ITIH5: variants seen among roughly 807,000 people sequenced by gnomAD.
The protein encoded by ITIH5 is inter-alpha-trypsin inhibitor heavy chain H5.
ITIH5 carries 65 observed loss-of-function variants against 77.5 expected under a neutral mutation model. The observed-to-expected ratio is 0.84, with a 90% CI of 0.69 to 1.03. The LOEUF is 1.03. Ranked by LOEUF, ITIH5 falls within the 50% of genes least tolerant of loss-of-function variation. The probability of loss-of-function intolerance (pLI) is 0.00; values close to 1 mark genes in which losing one functional copy is unlikely to be tolerated. For synonymous variants in ITIH5, 525 were observed against 494.3 expected, an observed-to-expected ratio of 1.06 and a Z score of -0.82; for missense variants, 1,208 against 1,213.1, an observed-to-expected ratio of 1.00 and a Z score of 0.06.
chr10:7,615,515 C>A (rs2131033692), intron 7 of ITIH5, among the ~76,000 whole-genome samples: 1 of 152,264 alleles, frequency 6.6e-6, no homozygotes, highest in Non-Finnish European at 1.5e-5. Context: ...AACTACGTGA[C>A]CCCTGAATGT....
At chr10:7,570,967 A>G (rs968802327) in intron 11 of ITIH5, among the ~76,000 whole-genome samples, 3 of 152,150 alleles carry the variant, frequency 2.0e-5, no homozygotes, top group Non-Finnish European at 4.4e-5. Context: ...GCACATGGAC[A>G]TGTCTGCATG....
At chr10:7,629,501 C>G (rs1833676536) in intron 5 of ITIH5, among the ~76,000 whole-genome samples, 1 of 131,564 alleles carries the variant, frequency 7.6e-6, no homozygotes, top group South Asian at 2.5e-4. Context: ...TAGCGTGTGT[C>G]CATGTTGCAG....
chr10:7,586,162 T>C, intron 7 of ITIH5, 93 bp from the exon 8 acceptor site: 1 of 1,173,398 alleles, frequency 8.5e-7, no homozygotes, highest in Non-Finnish European at 1.2e-6. Flanking sequence ...CCAGGAAAAA[T>C]GTCAGGGTTC....
rs994613437 is a variant in ITIH5, at chr10:7,640,171, A to C, written c.401+583T>G. Among the ~76,000 whole-genome samples the C allele has an allele frequency of 1.8e-4, 26 of 141,476 alleles. No homozygotes were observed. In the East Asian group the frequency reaches 4.7e-3, roughly 26 times the overall value. 92.8% of individuals were successfully genotyped at this position (141,476 alleles called of 152,430 possible). Reference sequence around the variant, plus strand: ...TACAAAAAAAAAAAAAAAAAAAAAAACTACGTACAGGCCAGGCATAGTGGC... The same window carrying C: ...TACAAAAAAAAAAAAAAAAAAAAAACCTACGTACAGGCCAGGCATAGTGGC... On this transcript the variant is annotated intron_variant, in intron 4 of 13. Transcript: ENST00000397146.
In ITIH5 at chr10:7,588,308, G is replaced by A. The variant is rs11812192; in HGVS notation, c.940-2239C>T. ...CCGAGGTGGGTAGATCACTTGAGGTGAGGAGTTTGAAACCAGCCTGGCCAA... is the reference window on the plus strand; with the variant it reads ...CCGAGGTGGGTAGATCACTTGAGGTAAGGAGTTTGAAACCAGCCTGGCCAA... On this transcript the variant is annotated intron_variant, in intron 7 of 13. Transcript: ENST00000397146. Among the ~76,000 whole-genome samples the A allele has an allele frequency of 3.8e-3, 583 of 152,096 alleles. 5 individuals carry two copies. Among genetic ancestry groups the A allele is most frequent in the African/African-American group, 0.014 (568 of 41,484 alleles).
chr10:7,656,595 A>G (rs544834124), intron 1 of ITIH5, among the ~76,000 whole-genome samples: 2 of 152,320 alleles, frequency 1.3e-5, no homozygotes, highest in South Asian at 4.1e-4. Context: ...TTAGCTGATT[A>G]TATGGATGTT....
chr10:7,591,053 C>G (rs756372731), intron 7 of ITIH5, among the ~76,000 whole-genome samples: 1 of 152,168 alleles, frequency 6.6e-6, no homozygotes. Flanking sequence ...CACGCCATCA[C>G]GCTCAGCTAA....
At chr10:7,625,333 GGTT>G (rs2131051295) in intron 5 of ITIH5, among the ~76,000 whole-genome samples, 1 of 152,266 alleles carries the variant, frequency 6.6e-6, no homozygotes, top group South Asian at 2.1e-4. Flanking sequence ...GGAGAACAGT[GGTT>G]ATCTGGGACC....
intron 7 of ITIH5, among the ~76,000 whole-genome samples, chr10:7,593,396 C>T (rs1366816606): frequency 2.3e-5 from 3 of 130,504 alleles, no homozygotes; most frequent in African/African-American, 8.6e-5. Context: ...CCCAGCCCCA[C>T]TCACCCCTGC....
chr10:7,641,916 G>A lies in ITIH5; in HGVS notation c.299+11C>T, dbSNP rs1482940579. 6.8e-6 allele frequency: 11 copies of A among 1,613,036 alleles called. No individual in the cohort carries two copies. Among genetic ancestry groups the A allele is most frequent in the South Asian group, 1.1e-5 (1 of 91,000 alleles). On this transcript the variant is annotated intron_variant, in intron 3 of 13. Coordinates refer to ENST00000397146, the MANE Select transcript of ITIH5 (RefSeq NM_030569.7). ...GCAGAAATCTTCATCCCTGACCAGCGTGTCACCTACATAGTGAAGTTGGTG... is the reference window on the plus strand; with the variant it reads ...GCAGAAATCTTCATCCCTGACCAGCATGTCACCTACATAGTGAAGTTGGTG...
Position 7,563,393 on chromosome 10 carries a change from A to T in ITIH5, c.2528-9T>A. 6.2e-7 allele frequency: 1 copy of T among 1,606,934 alleles called. No homozygotes were observed. The highest frequency in any genetic ancestry group is 8.5e-7 in the Non-Finnish European group (1 of 1,174,632). On this transcript the variant is annotated splice_polypyrimidine_tract_variant and intron_variant, in intron 13 of 13. Transcript: ENST00000397146. ...CTGATTCAGGAACTGACCTGGGAGG[A>T]CAAGGAAAAGCATCGGGTCTCAGTC...
chr10:7,581,721 C>CTTTTTTTTT (rs142992412), intron 8 of ITIH5, among the ~76,000 whole-genome samples: 19 of 101,722 alleles, frequency 1.9e-4, no homozygotes, highest in African/African-American at 6.5e-4. Flanking sequence ...TCTTTTCCTT[C>CTTTTTTTTT]TTTTTTTTTT....
At chr10:7,640,448 G>C (rs1042719270) in intron 4 of ITIH5, among the ~76,000 whole-genome samples, 1 of 148,172 alleles carries the variant, frequency 6.7e-6, no homozygotes, top group African/African-American at 2.5e-5. Flanking sequence ...CTGCACTCCA[G>C]CCTGGGCAAA....
At chr10:7,641,764 A>G (rs1344261318) in intron 3 of ITIH5, among the ~76,000 whole-genome samples, 163 bp downstream of exon 3, 1 of 152,080 alleles carries the variant, frequency 6.6e-6, no homozygotes, top group African/African-American at 2.4e-5. Context: ...GAATGAATGA[A>G]TGAACCAACC....
intron 5 of ITIH5, among the ~76,000 whole-genome samples, chr10:7,630,515 T>C (rs1833694678): frequency 1.3e-5 from 2 of 152,238 alleles, no homozygotes; most frequent in Admixed American, 6.5e-5. Flanking sequence ...TGTTCCATTA[T>C]AGCCATCCTA....
At chr10:7,662,927 C>A (rs1588435497) in intron 1 of ITIH5, among the ~76,000 whole-genome samples, 1 of 151,872 alleles carries the variant, frequency 6.6e-6, no homozygotes, top group African/African-American at 2.4e-5. Flanking sequence ...CCCCCAAATG[C>A]AAAAATTTGC....
intron 6 of ITIH5, among the ~76,000 whole-genome samples, chr10:7,616,661 C>T (rs1387189226): frequency 6.6e-6 from 1 of 152,110 alleles, no homozygotes; most frequent in African/African-American, 2.4e-5. Flanking sequence ...AACCCCATCT[C>T]TACTAAAAAT....
intron 7 of ITIH5, among the ~76,000 whole-genome samples, chr10:7,603,878 C>T (rs998531325): frequency 2.0e-5 from 3 of 152,248 alleles, no homozygotes; most frequent in East Asian, 1.9e-4. Flanking sequence ...CCACCACGCC[C>T]GGCCTGATAT....
intron 5 of ITIH5, among the ~76,000 whole-genome samples, chr10:7,623,974 T>C (rs1833516944): frequency 6.6e-6 from 1 of 152,128 alleles, no homozygotes; most frequent in African/African-American, 2.4e-5. Flanking sequence ...TAATTCAAAT[T>C]TATAGCTGAA....
Sources: allele counts gnomAD v4.1 joint callset (sites outside exome capture counted in the v4.1 genomes callset), GRCh38; gene constraint gnomAD v4.1.1; transcripts MANE v1.5; gene names NCBI Gene and HGNC (gene_info 2026-07-23, HGNC 2026-07-21).